The following TTN variants were observed in gnomAD, a reference collection of about 807,000 sequenced individuals.
TTN encodes titin.
A neutral mutation model predicts 3,223.0 loss-of-function variants in TTN; 1,525 were observed. The observed-to-expected ratio is 0.47, with a 90% CI of 0.45 to 0.49. The LOEUF (loss-of-function observed/expected upper bound fraction) is 0.49, where lower values mean the gene tolerates loss of function less well. TTN is among the 20% of genes least tolerant of loss of function. The pLI is 0.00. For synonymous variants in TTN, 14,094 were observed against 15,161.0 expected (o/e 0.93, Z 5.17); for missense variants, 40,786 against 43,424.0 (o/e 0.94, Z 5.40).
rs774882356 is a variant in TTN, at chr2:178,547,823, TTTG to T, written c.93800_93802del (p.Thr31267del). The T allele has an allele frequency of 3.1e-6, 5 of 1,613,910 alleles. No individual in the cohort carries two copies. Among genetic ancestry groups the T allele is most frequent in the African/African-American group, 1.3e-5 (1 of 75,046 alleles). On this transcript the variant is annotated inframe_deletion, in exon 339 of 363. Coordinates refer to ENST00000589042, the MANE Select transcript of TTN (RefSeq NM_001267550.2). ...CTTTACAGTCAGTGTGGTTCTGTCT[TTTG>T]TTGTTGTAATGCTCACTCGATCTGT...
At position 178,792,267 on chromosome 2, in the gene TTN, T is replaced by C. The variant is rs891841477; in HGVS notation, c.1537-70A>G. 11 of 1,450,376 alleles carry C rather than the reference T, an allele frequency of 7.6e-6. No homozygotes were observed. The African/African-American group carries it at 1.0e-4, about 13-fold the overall frequency. 89.8% of individuals were successfully genotyped at this position (1,450,376 alleles called of 1,614,324 possible). ...ATGAAATAATATGGTGTTTATTAAA[T>C]ATAACAACATAGGAATTTGAAGATG... On this transcript the variant is annotated intron_variant, in intron 9 of 362. Coordinates refer to ENST00000589042, the MANE Select transcript of TTN (RefSeq NM_001267550.2).
chr2:178,740,399 A>C lies in TTN; in HGVS notation c.12834T>G (p.Pro4278=), dbSNP rs1445588727. Residue 4278 remains proline (P), a synonymous_variant, in exon 48 of 363, where the codon CCT becomes CCG. Transcript: ENST00000589042. ...AGTTTACCTGAGAGATCATGACATC[A>C]GGACTCTGGAGACTCTCCACGTGTC... ...AEGHVESLQS[P]DVMISQVNYE... 5.0e-6 allele frequency: 8 copies of C among 1,613,186 alleles called. No individual in the cohort carries two copies. The highest frequency in any genetic ancestry group is 6.8e-6 in the Non-Finnish European group (8 of 1,179,502).
chr2:178,644,950 G>T, intron 217 of TTN: 1 of 228,916 alleles, frequency 4.4e-6, no homozygotes, highest in East Asian at 1.6e-4. Flanking sequence ...ATTAACAGAT[G>T]GGTGGCCTTT....
At position 178,784,138 on chromosome 2, in the gene TTN, C is replaced by CT; in HGVS notation, c.2706dup (p.Gly903ArgfsTer11). On this transcript the variant is annotated frameshift_variant, in exon 16 of 363. Transcript: ENST00000589042. LOFTEE classifies it high-confidence loss of function. The stretch of plus-strand genomic sequence containing the variant: ...ACGGTGGTGCCAGTGATGCTCACCC[C>CT]TACTTCCTTTTTCACCTCAACGCCA... 6.2e-7 allele frequency: 1 copy of CT among 1,614,100 alleles called. No homozygotes were observed.
chr2:178,773,651 A>C lies in TTN; in HGVS notation c.7405T>G (p.Ser2469Ala). Residue 2469 changes from serine (S) to alanine (A), a missense_variant, in exon 32 of 363, where the codon TCA becomes GCA. Physicochemically the swap from Ser to Ala is moderately conservative, Grantham distance 99. Transcript: ENST00000589042. ...GTKAVLECKV[S>A]VPDVTSVKWY... ...TTAACAGAAGTCACATCAGGGACTG[A>C]CACCTTACATTCAAGCACAGCCTTG... 6.2e-7 allele frequency: 1 copy of C among 1,614,054 alleles called. No individual in the cohort carries two copies. The highest frequency in any genetic ancestry group is 8.5e-7 in the Non-Finnish European group (1 of 1,179,974).
chr2:178,683,932 C>T, intron 133 of TTN, 67 bp downstream of exon 133: 1 of 1,210,844 alleles, frequency 8.3e-7, no homozygotes, highest in African/African-American at 1.6e-5. Flanking sequence ...GAACCTATTC[C>T]ACTAGATTAG....
rs763089533 is a variant in TTN, at chr2:178,678,380, T to TC, written c.33910+33dup. ...TGAGTATACATAGATGTGAGTTTTTTCCCCCAAGTACTCTAAGTGATGAAA... is the reference window on the plus strand; with the variant it reads ...TGAGTATACATAGATGTGAGTTTTTTCCCCCCAAGTACTCTAAGTGATGAAA... On this transcript the variant is annotated intron_variant, in intron 144 of 362. Transcript: ENST00000589042. The TC allele has an allele frequency of 1.9e-6, 3 of 1,554,590 alleles. No individual in the cohort carries two copies. In the South Asian group the frequency reaches 3.6e-5, roughly 19 times the overall value.
chr2:178,785,392 T>C (rs2093100448), intron 15 of TTN, among the ~76,000 whole-genome samples: 1 of 152,076 alleles, frequency 6.6e-6, no homozygotes. Flanking sequence ...TGGATTTGTC[T>C]CTCCTCAGAG....
At chr2:178,685,677 AG>A in intron 127 of TTN, 79 bp from the exon 128 acceptor site, 1 of 1,410,266 alleles carries the variant, frequency 7.1e-7, no homozygotes, top group Non-Finnish European at 9.7e-7. Context: ...ATCACTTCAA[AG>A]AGTAATCAAA....
rs1182073050 is a variant in TTN, at chr2:178,584,966, C to T, written c.64675G>A (p.Ala21559Thr). 1 of 1,612,734 alleles carries T rather than the reference C, an allele frequency of 6.2e-7. No homozygotes were observed. The highest frequency in any genetic ancestry group is 8.5e-7 in the Non-Finnish European group (1 of 1,179,426). ...AATGGAGGCTGAGGGGGGCCGGGGG[C>T]ATCTACATGAACCAAGAGGAAAGAA... ...TQKIKVVVMD[A>T]PGPPQPPFDI... The change falls in exon 310 of 363, where the codon GCC becomes ACC. Residue 21559 changes from alanine to threonine, a missense_variant and splice_region_variant. Transcript: ENST00000589042.
rs1248770778 is a variant in TTN, at chr2:178,723,652, G to A, written c.21448C>T (p.Pro7150Ser). Residue 7150 changes from proline to serine, a missense_variant, in exon 74 of 363, where the codon CCA (proline) becomes TCA (serine). Coordinates refer to ENST00000589042, the MANE Select transcript of TTN (RefSeq NM_001267550.2). ...VKEPEPLEVL[P>S]GKNVTFTSVI... The stretch of plus-strand genomic sequence containing the variant: ...CTTGTGAAGGTTACATTTTTGCCTG[G>A]TAGTACTTCCAAAGGTTCAGGTTCT... The A allele has an allele frequency of 1.2e-6, 2 of 1,607,666 alleles. No homozygotes were observed. Among genetic ancestry groups the A allele is most frequent in the Non-Finnish European group, 8.5e-7 (1 of 1,177,054 alleles).
At chr2:178,666,406 G>A (rs1281428602) in intron 163 of TTN, among the ~76,000 whole-genome samples, 5 of 152,090 alleles carry the variant, frequency 3.3e-5, no homozygotes, top group Non-Finnish European at 5.9e-5. Flanking sequence ...AACATGGAGG[G>A]GAGATTTCCA....
In TTN at chr2:178,785,876, T is replaced by C; in HGVS notation, c.2342A>G (p.Asp781Gly). ...TGATGATATGTGCATTCCCTTTTGA[T>C]CAGTAGTTTTGATATGAGTCTCAGA... ...APSETHIKTT[D>G]QKGMHISSQI... is the part of the protein sequence containing the mutation. The change falls in exon 14 of 363, where the codon GAT (aspartate) becomes GGT (glycine). Residue 781 changes from aspartate (D) to glycine (G), a missense_variant. Coordinates refer to ENST00000589042, the MANE Select transcript of TTN (RefSeq NM_001267550.2). The C allele has an allele frequency of 6.2e-7, 1 of 1,614,076 alleles. No homozygotes were observed. The highest frequency in any genetic ancestry group is 8.5e-7 in the Non-Finnish European group (1 of 1,179,984).
At position 178,774,020 on chromosome 2, in the gene TTN, C is replaced by T. The variant is rs2091903578; in HGVS notation, c.7148G>A (p.Ser2383Asn). ...VQLEVKVSLESVEGVWMKDGQ... is the reference protein window; with the variant it reads ...VQLEVKVSLENVEGVWMKDGQ... ...GTCTTTCATCCAGACGCCTTCCACACTTTCCAAGGAGACTTTAACTTCAAG... is the reference window on the plus strand; with the variant it reads ...GTCTTTCATCCAGACGCCTTCCACATTTTCCAAGGAGACTTTAACTTCAAG... Residue 2383 changes from serine to asparagine, a missense_variant, in exon 31 of 363, where the codon AGT becomes AAT. Ser to Asn is a conservative substitution (Grantham distance 46, BLOSUM62 1). Coordinates refer to ENST00000589042, the MANE Select transcript of TTN (RefSeq NM_001267550.2). The T allele has an allele frequency of 1.2e-6, 2 of 1,614,016 alleles. No individual in the cohort carries two copies. Among genetic ancestry groups the T allele is most frequent in the African/African-American group, 1.3e-5 (1 of 74,934 alleles).
intron 159 of TTN, among the ~76,000 whole-genome samples, chr2:178,668,583 T>G (rs2066378149): frequency 6.6e-6 from 1 of 151,696 alleles, no homozygotes; most frequent in Non-Finnish European, 1.5e-5. Flanking sequence ...ATACACAAAA[T>G]TAGCCGGGCC....
intron 47 of TTN, chr2:178,751,816 A>C: frequency 6.2e-7 from 1 of 1,613,118 alleles, no homozygotes; most frequent in Non-Finnish European, 8.5e-7. Flanking sequence ...TTGGACAGGC[A>C]ATTAATCTAC....
intron 236 of TTN, among the ~76,000 whole-genome samples, 152 bp downstream of exon 236, chr2:178,631,995 A>G (rs922549434): frequency 2.0e-5 from 3 of 152,140 alleles, no homozygotes; most frequent in Non-Finnish European, 4.4e-5. Context: ...AAAGTGTTTT[A>G]GAAATAAGCC....
In TTN at chr2:178,784,154, C is replaced by T; in HGVS notation, c.2691G>A (p.Glu897=). 1 of 1,614,142 alleles carries T rather than the reference C, an allele frequency of 6.2e-7. No homozygotes were observed. The highest frequency in any genetic ancestry group is 1.1e-5 in the South Asian group (1 of 91,086). Residue 897 remains glutamate (E), a synonymous_variant, in exon 16 of 363, where the codon GAG becomes GAA. Coordinates refer to ENST00000589042, the MANE Select transcript of TTN (RefSeq NM_001267550.2). ...PDTYKSEAGV[E]VKKEVGVSIT... is the part of the protein sequence containing the mutation. ...TGCTCACCCCTACTTCCTTTTTCAC[C>T]TCAACGCCAGCTTCACTCTTGTAAG...
chr2:178,676,040 A>G (rs2068019325), intron 147 of TTN, 45 bp from the exon 148 acceptor site: 1 of 1,540,422 alleles, frequency 6.5e-7, no homozygotes, highest in Non-Finnish European at 8.8e-7. Context: ...TTGAAGGACA[A>G]AAAAAGAGAA....
Sources: gnomAD v4.1 joint callset for allele counts (sites outside exome capture counted in the v4.1 genomes callset) on GRCh38, gnomAD v4.1.1 for gene constraint, MANE v1.5 for transcripts, NCBI Gene and HGNC (gene_info 2026-07-23, HGNC 2026-07-21) for gene names.